MED7: variants seen among roughly 807,000 people sequenced by gnomAD.
MED7 encodes mediator of RNA polymerase II transcription subunit 7.
Under a neutral mutation model 16.6 loss-of-function variants are expected in MED7, and 7 were observed. The ratio of observed to expected loss-of-function variants is 0.42; its 90% confidence interval spans 0.24 to 0.79. The LOEUF is 0.79. Among genes scored for constraint, MED7 ranks in the 30% least tolerant of loss-of-function variants. The pLI, the probability that MED7 is intolerant of heterozygous loss-of-function variation, is 0.27. For synonymous variants in MED7, 88 were observed against 90.5 expected, an observed-to-expected ratio of 0.97 and a Z score of 0.16; for missense variants, 240 against 286.3, an observed-to-expected ratio of 0.84 and a Z score of 1.17.
chr5:157,138,711 A>G lies in MED7; in HGVS notation c.*19T>C, dbSNP rs1757674565. The G allele has an allele frequency of 1.3e-6, 2 of 1,551,874 alleles. No homozygotes were observed. The highest frequency in any genetic ancestry group is 2.8e-5 in the African/African-American group (2 of 72,240). ...TATGATGCTATTATCAAAAGGAAAA[A>G]AAGAAAAAGAAACATCTTTCATGGT... On this transcript the variant is annotated 3_prime_UTR_variant, in exon 2 of 2. Coordinates refer to ENST00000286317, the MANE Select transcript of MED7 (RefSeq NM_004270.5).
At chr5:157,141,457 T>A (rs1216086318) in intron 1 of MED7, among the ~76,000 whole-genome samples, 2 of 152,232 alleles carry the variant, frequency 1.3e-5, no homozygotes, top group African/African-American at 2.4e-5. Flanking sequence ...TGTACTTTCC[T>A]ACACGATGTG....
Position 157,138,988 on chromosome 5 carries a change from T to C in MED7, c.444A>G (p.Glu148=). Reference sequence around the variant, plus strand: ...GGTGCTTTTGAAATCTCTCAGCTGTTTCAAGCCGTTGACGTTTCTGGACCT... The same window carrying C: ...GGTGCTTTTGAAATCTCTCAGCTGTCTCAAGCCGTTGACGTTTCTGGACCT... The part of the protein sequence containing the change: ...MMEVQKRQRL[E]TAERFQKHLE... The change falls in exon 2 of 2, where the codon GAA becomes GAG. Residue 148 remains glutamate (E), a synonymous_variant. Coordinates refer to ENST00000286317, the MANE Select transcript of MED7 (RefSeq NM_004270.5). 1 of 1,614,196 alleles carries C rather than the reference T, an allele frequency of 6.2e-7. No individual in the cohort carries two copies. The highest frequency in any genetic ancestry group is 8.5e-7 in the Non-Finnish European group (1 of 1,180,042).
intron 1 of MED7, 191 bp downstream of exon 1, chr5:157,142,629 C>T (rs988958748): frequency 1.3e-5 from 2 of 152,232 alleles, no homozygotes; most frequent in African/African-American, 2.4e-5. Context: ...AGGCTGTCCA[C>T]CCCGAGGCCT....
intron 1 of MED7, 152 bp downstream of exon 1, chr5:157,142,668 G>A (rs941336661): frequency 6.6e-6 from 1 of 152,398 alleles, no homozygotes; most frequent in African/African-American, 2.4e-5. Context: ...CGCACTCTCG[G>A]AGAGACTCGG....
chr5:157,139,036 T>C lies in MED7; in HGVS notation c.396A>G (p.Arg132=), dbSNP rs1479581825. The part of the protein sequence containing the change: ...LINEYRPHQA[R]ETLRVMMEVQ... ...CCTCCATCATGACTCTCAAGGTCTCTCTTGCTTGGTGGGGTCGGTATTCAT... is the reference window on the plus strand; with the variant it reads ...CCTCCATCATGACTCTCAAGGTCTCCCTTGCTTGGTGGGGTCGGTATTCAT... Residue 132 remains arginine (R), a synonymous_variant, in exon 2 of 2, where the codon AGA becomes AGG. Coordinates refer to ENST00000286317, the MANE Select transcript of MED7 (RefSeq NM_004270.5). The C allele has an allele frequency of 1.9e-5, 30 of 1,614,036 alleles. No homozygotes were observed. The highest frequency in any genetic ancestry group is 2.5e-5 in the Non-Finnish European group (29 of 1,180,034).
chr5:157,138,719 A>C lies in MED7; in HGVS notation c.*11T>G, dbSNP rs1275472565. On this transcript the variant is annotated 3_prime_UTR_variant, in exon 2 of 2. Coordinates refer to ENST00000286317, the MANE Select transcript of MED7 (RefSeq NM_004270.5). ...TATTATCAAAAGGAAAAAAAGAAAA[A>C]GAAACATCTTTCATGGTCTTTCATT... The C allele has an allele frequency of 5.1e-6, 8 of 1,562,982 alleles. No homozygotes were observed. The South Asian group carries it at 8.4e-5, about 16-fold the overall frequency.
At chr5:157,140,492 CA>C (rs1757707372) in intron 1 of MED7, among the ~76,000 whole-genome samples, 1 of 151,190 alleles carries the variant, frequency 6.6e-6, no homozygotes, top group African/African-American at 2.5e-5. Flanking sequence ...CAAGATATAA[CA>C]CACTCTAACA....
At position 157,137,483 on chromosome 5, in the gene MED7, A is replaced by G. The variant is rs1757652932; in HGVS notation, c.*1247T>C. The G allele has an allele frequency of 6.6e-6, 1 of 152,230 alleles. No individual in the cohort carries two copies. The highest frequency in any genetic ancestry group is 1.5e-5 in the Non-Finnish European group (1 of 68,050). The allele number at this position is 152,230 out of a possible 1,614,324, so 9.4% of individuals were successfully genotyped here. A position where few individuals can be genotyped will look rare whatever the true frequency, so the allele number is the denominator to read the frequency against. ...AACTTTTATTTCTAGTAAGTCCCCA[A>G]GTGATACCAATGCTGCTGGTCCAGG... On this transcript the variant is annotated 3_prime_UTR_variant, in exon 2 of 2. Transcript: ENST00000286317.
intron 1 of MED7, chr5:157,142,559 G>A (rs1401433155): frequency 6.6e-6 from 1 of 152,384 alleles, no homozygotes; most frequent in Non-Finnish European, 1.5e-5. Context: ...CCTCCACTCC[G>A]GCTCGGCGTC....
intron 1 of MED7, among the ~76,000 whole-genome samples, chr5:157,139,984 C>T (rs944816769): frequency 3.3e-5 from 5 of 152,242 alleles, no homozygotes; most frequent in African/African-American, 1.2e-4. Context: ...TCACAGTATA[C>T]TATGCAATTT....
chr5:157,141,404 C>T lies in MED7; in HGVS notation c.-18+1416G>A, dbSNP rs532859508. ...AGAAAATACAATTTTTGACAGCTCA[C>T]GTTTCATCCCACTCAAACCTTTTTA... On this transcript the variant is annotated intron_variant, in intron 1 of 1. Transcript: ENST00000286317. Among the ~76,000 whole-genome samples, 9 of 151,900 alleles carry T rather than the reference C, an allele frequency of 5.9e-5. No individual in the cohort carries two copies. The East Asian group carries it at 1.4e-3, about 23-fold the overall frequency.
chr5:157,138,679 A>G lies in MED7; in HGVS notation c.*51T>C. 1 of 1,404,130 alleles carries G rather than the reference A, an allele frequency of 7.1e-7. No individual in the cohort carries two copies. The highest frequency in any genetic ancestry group is 9.6e-7 in the Non-Finnish European group (1 of 1,036,882). The allele number at this position is 1,404,130 out of a possible 1,614,324, so 87.0% of individuals were successfully genotyped here. Reference sequence around the variant, plus strand: ...CTTAAGACTGTCCAAAAGAAAATGAACTAATATATGATGCTATTATCAAAA... The same window carrying G: ...CTTAAGACTGTCCAAAAGAAAATGAGCTAATATATGATGCTATTATCAAAA... On this transcript the variant is annotated 3_prime_UTR_variant, in exon 2 of 2. Coordinates refer to ENST00000286317, the MANE Select transcript of MED7 (RefSeq NM_004270.5).
intron 1 of MED7, among the ~76,000 whole-genome samples, chr5:157,141,129 G>A (rs1314718639): frequency 1.3e-5 from 2 of 152,138 alleles, no homozygotes; most frequent in Non-Finnish European, 2.9e-5. Flanking sequence ...CACCCAGGTT[G>A]GAGTGCAGTG....
At chr5:157,139,478 G>T in intron 1 of MED7, 30 bp from the exon 2 acceptor site, 1 of 1,291,892 alleles carries the variant, frequency 7.7e-7, no homozygotes. Context: ...ATTTATTAGA[G>T]CCACAAGACA....
At position 157,137,998 on chromosome 5, in the gene MED7, A is replaced by AG. The variant is rs1242594222; in HGVS notation, c.*731_*732insC. The AG allele has an allele frequency of 3.3e-5, 5 of 152,210 alleles. No individual in the cohort carries two copies. The highest frequency in any genetic ancestry group is 6.5e-5 in the Admixed American group (1 of 15,278). The allele number at this position is 152,210 out of a possible 1,614,324, so 9.4% of individuals were successfully genotyped here. A position where few individuals can be genotyped will look rare whatever the true frequency, so the allele number is the denominator to read the frequency against. On this transcript the variant is annotated 3_prime_UTR_variant, in exon 2 of 2. Transcript: ENST00000286317. The stretch of plus-strand genomic sequence containing the variant: ...TAGACACCTAGCAGTCTCTGCCATC[A>AG]AACCCCTTTCCCATTGTGGACTTAA...
rs753615879 is a variant in MED7, at chr5:157,139,143, T to C, written c.289A>G (p.Ile97Val). The C allele has an allele frequency of 2.5e-6, 4 of 1,613,540 alleles. No individual in the cohort carries two copies. Among genetic ancestry groups the C allele is most frequent in the Non-Finnish European group, 3.4e-6 (4 of 1,179,826 alleles). ...INFLDLLDIL[I>V]RSPGSIKREE... is the part of the protein sequence containing the mutation. ...CGTTTTATACTCCCAGGGCTCCTTA[T>C]TAAAATATCTAAAAGGTCCAAGAAA... The change falls in exon 2 of 2, where the codon ATA becomes GTA. Residue 97 changes from isoleucine to valine, a missense_variant. Physicochemically the swap from Ile to Val is conservative, Grantham distance 29. Coordinates refer to ENST00000286317, the MANE Select transcript of MED7 (RefSeq NM_004270.5).
At chr5:157,142,324 G>C (rs1005661924) in intron 1 of MED7, 1 of 152,216 alleles carries the variant, frequency 6.6e-6, no homozygotes, top group Non-Finnish European at 1.5e-5. Flanking sequence ...ATGGGCCCTA[G>C]AATGTCGCTT....
At chr5:157,141,461 C>G (rs1757723261) in intron 1 of MED7, among the ~76,000 whole-genome samples, 1 of 152,206 alleles carries the variant, frequency 6.6e-6, no homozygotes, top group Non-Finnish European at 1.5e-5. Context: ...CTTTCCTACA[C>G]GATGTGCATT....
At chr5:157,142,511 A>C in intron 1 of MED7, 1 of 152,252 alleles carries the variant, frequency 6.6e-6, no homozygotes, top group East Asian at 1.9e-4. Flanking sequence ...ACAGCTTAGA[A>C]AAACAGCGGC....
Sources: allele counts gnomAD v4.1 joint callset (sites outside exome capture counted in the v4.1 genomes callset), GRCh38; gene constraint gnomAD v4.1.1; transcripts MANE v1.5; gene names NCBI Gene and HGNC (gene_info 2026-07-23, HGNC 2026-07-21).